POLG: variants seen among roughly 807,000 people sequenced by gnomAD.
POLG encodes the protein DNA polymerase subunit gamma-1.
A neutral mutation model predicts 155.4 loss-of-function variants in POLG; 110 were observed. The ratio of observed to expected loss-of-function variants is 0.71; its 90% CI spans 0.61 to 0.83. POLG has a LOEUF of 0.83. Ranked by LOEUF, POLG falls within the 40% of genes least tolerant of loss-of-function variation. POLG has a pLI of 0.00. For synonymous variants in POLG, 701 were observed against 631.5 expected (o/e 1.11, Z -1.65); for missense variants, 1,685 against 1,627.5 (o/e 1.04, Z -0.61).
At chr15:89,329,936 CACAGCTGGTCA>C in intron 3 of POLG, 134 bp downstream of exon 3, 1 of 736,600 alleles carries the variant, frequency 1.4e-6, no homozygotes, top group South Asian at 1.5e-5. Context: ...AGACCAGAGG[CACAGCTGGTCA>C]ACAGATGCGC....
rs749406673 is a variant in POLG at position 89,321,990 on chromosome 15, T to G, written c.2452A>C (p.Arg818=). ...ISSQMVVWLP[R]SALPRAVIRH... Reference sequence around the variant, plus strand: ...ATCACAGCACGGGGCAGAGCTGACCTGGGCAGCCACACCACCATCTGGGAG... The same window carrying G: ...ATCACAGCACGGGGCAGAGCTGACCGGGGCAGCCACACCACCATCTGGGAG... The change falls in exon 15 of 23, where the codon AGG becomes CGG. Residue 818 remains arginine, a synonymous_variant. Coordinates refer to ENST00000268124, the MANE Select transcript of POLG (RefSeq NM_002693.3). The G allele has an allele frequency of 6.2e-7, 1 of 1,614,174 alleles. No homozygotes were observed. The highest frequency in any genetic ancestry group is 8.5e-7 in the Non-Finnish European group (1 of 1,180,008).
At chr15:89,334,146 G>C (rs775514385) in intron 1 of POLG, 4 of 338,002 alleles carry the variant, frequency 1.2e-5, no homozygotes, top group South Asian at 5.2e-5. Flanking sequence ...GCGAGTAAGA[G>C]AGCAGTATCT....
chr15:89,328,821 C>A lies in POLG; in HGVS notation c.1034G>T (p.Trp345Leu). The part of the protein sequence containing the change: ...KARRGPAISS[W>L]DWLDISSVNS... ...GACACTGCTGATGTCCAGCCAGTCC[C>A]AGGATGAGATCTGGGGAACCAGAGC... Residue 345 changes from tryptophan (W) to leucine (L), a missense_variant, in exon 5 of 23, where the codon TGG becomes TTG. This residue lies in a region of POLG where 1,210 missense variants were observed against 1,167.1 expected (regional missense o/e 1.04). Transcript: ENST00000268124. 12 of 1,614,124 alleles carry A rather than the reference C, an allele frequency of 7.4e-6. No homozygotes were observed. Among genetic ancestry groups the A allele is most frequent in the Non-Finnish European group, 1.0e-5 (12 of 1,180,044 alleles).
intron 22 of POLG, 104 bp downstream of exon 22, chr15:89,317,272 C>T: frequency 2.1e-6 from 2 of 962,402 alleles, no homozygotes; most frequent in Non-Finnish European, 3.3e-6. Flanking sequence ...TAGCCTGAGT[C>T]AAGAGTGGAT....
chr15:89,319,320 C>G lies in POLG; in HGVS notation c.3012G>C (p.Leu1004=). ...CCACTGGGAGGTTCAACTCCCTCACCAGCCACTCGCCCTCATCCGACAGCC... is the reference window on the plus strand; with the variant it reads ...CCACTGGGAGGTTCAACTCCCTCACGAGCCACTCGCCCTCATCCGACAGCC... The part of the protein sequence containing the change: ...WYRLSDEGEW[L]VRELNLPVDR... The change falls in exon 19 of 23, where the codon CTG becomes CTC. Residue 1004 remains leucine, a synonymous_variant. Coordinates refer to ENST00000268124, the MANE Select transcript of POLG (RefSeq NM_002693.3). The G allele has an allele frequency of 6.2e-7, 1 of 1,614,166 alleles. No individual in the cohort carries two copies. Among genetic ancestry groups the G allele is most frequent in the Non-Finnish European group, 8.5e-7 (1 of 1,180,028 alleles).
At chr15:89,330,391 C>T in intron 2 of POLG, 115 bp from the exon 3 acceptor site, 2 of 815,052 alleles carry the variant, frequency 2.5e-6, no homozygotes, top group Non-Finnish European at 4.1e-6. Context: ...GCTGGGGACA[C>T]AAGTGAGACC....
rs1308768007 is a variant in POLG, at chr15:89,325,187, TGAGTGAGA to T, written c.1949+255_1949+262del. On this transcript the variant is annotated intron_variant, in intron 10 of 22. Coordinates refer to ENST00000268124, the MANE Select transcript of POLG (RefSeq NM_002693.3). ...GTGAGTGAGAGAGTGAGAGAGTGAG[TGAGTGAGA>T]GAGTGAGTGAGAGAGTGAGTGAGTG... Among the ~76,000 whole-genome samples the T allele has an allele frequency of 1.6e-3, 83 of 53,498 alleles. 10 individuals carry two copies. Among genetic ancestry groups the T allele is most frequent in the African/African-American group, 7.7e-3 (76 of 9,842 alleles). 35.1% of individuals were successfully genotyped at this position (53,498 alleles called of 152,430 possible).
chr15:89,321,318 A>C, intron 16 of POLG, 58 bp from the exon 17 acceptor site: 1 of 1,593,860 alleles, frequency 6.3e-7, no homozygotes, highest in Non-Finnish European at 8.6e-7. Context: ...CTGGAGCCAG[A>C]GTTGACTGAG....
rs1046647961 is a variant in POLG at position 89,331,659 on chromosome 15, G to T, written c.660-1383C>A. ...TGTGGGAGGCTCATAGCTGACTACCGCTTCTCCTCCCATTGTAAATTGTGG... is the reference window on the plus strand; with the variant it reads ...TGTGGGAGGCTCATAGCTGACTACCTCTTCTCCTCCCATTGTAAATTGTGG... On this transcript the variant is annotated intron_variant, in intron 2 of 22. Transcript: ENST00000268124. 2.0e-5 allele frequency among the ~76,000 whole-genome samples: 3 copies of T among 152,176 alleles called. No homozygotes were observed. The East Asian group carries it at 5.8e-4, about 29-fold the overall frequency.
rs554513283 is a variant in POLG at position 89,316,548 on chromosome 15, C to G, written c.*203G>C. Reference sequence around the variant, plus strand: ...ATGCCCCTTGTCCTGTAGTCCACACCGATGTTGGCATCTTGGTTCTGAACC... The same window carrying G: ...ATGCCCCTTGTCCTGTAGTCCACACGGATGTTGGCATCTTGGTTCTGAACC... On this transcript the variant is annotated 3_prime_UTR_variant, in exon 23 of 23. Coordinates refer to ENST00000268124, the MANE Select transcript of POLG (RefSeq NM_002693.3). The G allele has an allele frequency of 2.9e-6, 4 of 1,356,656 alleles. No individual in the cohort carries two copies. The South Asian group carries it at 4.9e-5, about 17-fold the overall frequency. 84.0% of individuals were successfully genotyped at this position (1,356,656 alleles called of 1,614,324 possible).
At position 89,330,168 on chromosome 15, in the gene POLG, G is replaced by A; in HGVS notation, c.768C>T (p.Pro256=). The stretch of plus-strand genomic sequence containing the variant: ...ACTGCTCCTGCCAGTCTCTCTGGGT[G>A]GGGCTGCTGGCACCAGTAGGGACCT... ...PLEVPTGASS[P]TQRDWQEQLV... The change falls in exon 3 of 23, where the codon CCC becomes CCT. Residue 256 remains proline, a synonymous_variant. Coordinates refer to ENST00000268124, the MANE Select transcript of POLG (RefSeq NM_002693.3). 1 of 1,613,954 alleles carries A rather than the reference G, an allele frequency of 6.2e-7. No individual in the cohort carries two copies. Among genetic ancestry groups the A allele is most frequent in the Non-Finnish European group, 8.5e-7 (1 of 1,179,968 alleles).
In POLG at chr15:89,316,700, C is replaced by T; in HGVS notation, c.*51G>A. The T allele has an allele frequency of 7.3e-7, 1 of 1,368,346 alleles. No homozygotes were observed. Among genetic ancestry groups the T allele is most frequent in the Non-Finnish European group, 1.0e-6 (1 of 965,280 alleles). The allele number at this position is 1,368,346 out of a possible 1,614,324, so 84.8% of individuals were successfully genotyped here. Reference sequence around the variant, plus strand: ...CTGAAAGCCTGAGTTTGGGAGCCTGCACCACCCCGATGAAGCTCCACGGGA... The same window carrying T: ...CTGAAAGCCTGAGTTTGGGAGCCTGTACCACCCCGATGAAGCTCCACGGGA... On this transcript the variant is annotated 3_prime_UTR_variant, in exon 23 of 23. Transcript: ENST00000268124.
At position 89,325,263 on chromosome 15, in the gene POLG, TGA is replaced by T. The variant is rs1488835754; in HGVS notation, c.1949+185_1949+186del. ...GTGAGTGAGTGAGAGAGAGAGTGAGTGAGTGAGTGAGAGAGAGAGAAAGAGAG... is the reference window on the plus strand; with the variant it reads ...GTGAGTGAGTGAGAGAGAGAGTGAGTGTGAGTGAGAGAGAGAGAAAGAGAG... On this transcript the variant is annotated intron_variant, in intron 10 of 22. Coordinates refer to ENST00000268124, the MANE Select transcript of POLG (RefSeq NM_002693.3). 3.1e-5 allele frequency among the ~76,000 whole-genome samples: 3 copies of T among 96,924 alleles called. 1 individual carries two copies. The highest frequency in any genetic ancestry group is 1.4e-4 in the African/African-American group (2 of 14,078). 63.6% of individuals were successfully genotyped at this position (96,924 alleles called of 152,430 possible). A position where few individuals can be genotyped will look rare whatever the true frequency, so the allele number is the denominator to read the frequency against.
chr15:89,321,523 G>A (rs538102177), intron 16 of POLG, among the ~76,000 whole-genome samples: 25 of 152,302 alleles, frequency 1.6e-4, no homozygotes, highest in Middle Eastern at 6.8e-3. Flanking sequence ...TAGCTATTAC[G>A]CCTGTCACGG....
chr15:89,323,339 G>C (rs1315599582), intron 13 of POLG, 65 bp downstream of exon 13: 5 of 998,746 alleles, frequency 5.0e-6, no homozygotes, highest in Non-Finnish European at 8.0e-6. Context: ...TCACTCTGAA[G>C]GCCTGCTGTG....
chr15:89,332,761 G>A (rs893605540), intron 2 of POLG, among the ~76,000 whole-genome samples: 1 of 152,140 alleles, frequency 6.6e-6, no homozygotes. Flanking sequence ...TGACTTTTCA[G>A]ACTAACTTCT....
chr15:89,318,479 C>G (rs55699210), intron 21 of POLG, 62 bp downstream of exon 21: 5 of 1,402,632 alleles, frequency 3.6e-6, no homozygotes, highest in Non-Finnish European at 5.1e-6. Flanking sequence ...GCCCAAGGAA[C>G]GCTCACCCAA....
intron 6 of POLG, 85 bp from the exon 7 acceptor site, chr15:89,327,434 A>G: frequency 2.4e-6 from 3 of 1,247,096 alleles, no homozygotes; most frequent in Non-Finnish European, 3.5e-6. Context: ...GCAAGCCTCA[A>G]CCCAGCCACT....
chr15:89,323,562 G>T, intron 12 of POLG, 51 bp from the exon 13 acceptor site: 1 of 1,205,484 alleles, frequency 8.3e-7, no homozygotes, highest in Non-Finnish European at 1.2e-6. Context: ...CCTGCATTCA[G>T]CAAGGGCCAT....
Sources: gnomAD v4.1 joint callset for allele counts (sites outside exome capture counted in the v4.1 genomes callset) on GRCh38, gnomAD v4.1.1 for gene constraint, gnomAD v4.1.1 regional missense constraint, MANE v1.5 for transcripts, NCBI Gene and HGNC (gene_info 2026-07-23, HGNC 2026-07-21) for gene names.